MAP2: variants seen among roughly 807,000 people sequenced by gnomAD.
MAP2 encodes the protein microtubule-associated protein 2.
In MAP2, 14 loss-of-function variants were observed where a neutral mutation model predicts 137.6. The ratio of observed to expected loss-of-function variants is 0.10; its 90% CI spans 0.07 to 0.16. The LOEUF (loss-of-function observed/expected upper bound fraction) is 0.16. MAP2 is among the 10% of genes least tolerant of loss of function. The pLI, the probability that MAP2 is intolerant of heterozygous loss-of-function variation, is 1.00. For missense variants in MAP2, 2,088 were observed against 2,191.5 expected (o/e 0.95, Z 0.94); for synonymous variants, 786 against 782.3 (o/e 1.00, Z -0.08).
Position 209,693,281 on chromosome 2 carries a change from C to A in MAP2, c.1111C>A (p.Pro371Thr). The change falls in exon 8 of 16, where the codon CCC becomes ACC. Residue 371 changes from proline to threonine, a missense_variant. This residue lies in a region of MAP2 where 859 missense variants were observed against 794.5 expected (regional missense o/e 1.08). Transcript: ENST00000682079. The stretch of plus-strand genomic sequence containing the variant: ...CAAAGATAGTTTTAAAATTGAAGAG[C>A]CCCATGAGGCTAAACCTGACAAAAT... The part of the protein sequence containing the change: ...TAKDSFKIEE[P>T]HEAKPDKMAE... The A allele has an allele frequency of 6.2e-7, 1 of 1,614,054 alleles. No individual in the cohort carries two copies.
rs2059759904 is a variant in MAP2 at position 209,694,727 on chromosome 2, G to A, written c.2557G>A (p.Glu853Lys). 1.9e-6 allele frequency: 3 copies of A among 1,614,154 alleles called. No individual in the cohort carries two copies. The highest frequency in any genetic ancestry group is 4.5e-5 in the East Asian group (2 of 44,864). ...SRTGLPPVTD[E>K]NHVIVKTDSQ... ...TACTGGCTTGCCCCCGGTAACTGAT[G>A]AAAACCATGTCATTGTAAAAACGGA... The change falls in exon 8 of 16, where the codon GAA becomes AAA. Residue 853 changes from glutamate to lysine, a missense_variant. Coordinates refer to ENST00000682079, the MANE Select transcript of MAP2 (RefSeq NM_001375505.1).
intron 13 of MAP2, among the ~76,000 whole-genome samples, chr2:209,724,978 A>G (rs1179792597): frequency 6.6e-6 from 1 of 152,230 alleles, no homozygotes; most frequent in African/African-American, 2.4e-5. Flanking sequence ...CTCCCAAAAC[A>G]ATAGTCTTAA....
At chr2:209,604,318 C>A (rs1272064404) in intron 3 of MAP2, among the ~76,000 whole-genome samples, 2 of 152,114 alleles carry the variant, frequency 1.3e-5, no homozygotes, top group East Asian at 3.9e-4. Flanking sequence ...CTGCACTAAT[C>A]CAGATGAGCT....
intron 7 of MAP2, among the ~76,000 whole-genome samples, chr2:209,689,310 C>A (rs1239117399): frequency 4.6e-5 from 7 of 150,930 alleles, no homozygotes; most frequent in Non-Finnish European, 8.9e-5. Flanking sequence ...ATTTTTTTTT[C>A]TCTCTCTGTT....
intron 3 of MAP2, among the ~76,000 whole-genome samples, chr2:209,616,672 G>T (rs182583432): frequency 6.7e-6 from 1 of 150,170 alleles, no homozygotes; most frequent in Admixed American, 6.6e-5. Flanking sequence ...ACCAAACAAG[G>T]GGTGTAGTGT....
At chr2:209,642,953 A>G (rs1559469048) in intron 4 of MAP2, among the ~76,000 whole-genome samples, 1 of 152,234 alleles carries the variant, frequency 6.6e-6, no homozygotes, top group Non-Finnish European at 1.5e-5. Flanking sequence ...TAGTAACAGT[A>G]TAAAGCATAA....
chr2:209,598,296 T>C (rs2081928171), intron 3 of MAP2, among the ~76,000 whole-genome samples: 1 of 152,044 alleles, frequency 6.6e-6, no homozygotes, highest in Admixed American at 6.6e-5. Flanking sequence ...TGAGCCACCG[T>C]ACCCAGCCTT....
chr2:209,714,835 TCTA>T (rs1326005713), intron 13 of MAP2, among the ~76,000 whole-genome samples: 1 of 152,170 alleles, frequency 6.6e-6, no homozygotes, highest in Non-Finnish European at 1.5e-5. Flanking sequence ...GAAGTCAGAG[TCTA>T]TACTTTGTCT....
chr2:209,443,750 A>G (rs1229332192), intron 1 of MAP2, among the ~76,000 whole-genome samples: 1 of 151,616 alleles, frequency 6.6e-6, no homozygotes, highest in African/African-American at 2.4e-5. Flanking sequence ...ACATCATTGG[A>G]GTTGAGTAAA....
chr2:209,709,847 G>A (rs1004245206), intron 12 of MAP2, 67 bp from the exon 13 acceptor site: 2 of 1,123,920 alleles, frequency 1.8e-6, no homozygotes, highest in Admixed American at 2.0e-5. Context: ...ACAATCTATG[G>A]GAAGAGGGAT....
intron 13 of MAP2, among the ~76,000 whole-genome samples, chr2:209,721,143 C>T (rs192513326): frequency 5.9e-5 from 9 of 152,038 alleles, no homozygotes; most frequent in Admixed American, 3.9e-4. Flanking sequence ...ATGAGTCACG[C>T]GGAATAGGCG....
chr2:209,468,611 C>T (rs751476538), intron 1 of MAP2, among the ~76,000 whole-genome samples: 5 of 152,038 alleles, frequency 3.3e-5, no homozygotes, highest in Non-Finnish European at 7.4e-5. Context: ...TGAGCCACCG[C>T]GCCCGGCCTC....
chr2:209,469,490 A>G (rs547724920), intron 1 of MAP2, among the ~76,000 whole-genome samples: 19 of 152,314 alleles, frequency 1.2e-4, no homozygotes, highest in African/African-American at 4.6e-4. Flanking sequence ...AAGTAAGTAT[A>G]TGCACAATAC....
chr2:209,435,998 T>TACAGTATATATTATATATA (rs1559159522), intron 1 of MAP2, among the ~76,000 whole-genome samples: 1 of 88,806 alleles, frequency 1.1e-5, no homozygotes, highest in Non-Finnish European at 2.0e-5. Context: ...TATTATATAC[T>TACAGTATATATTATATATA]ATATATACAG....
intron 3 of MAP2, among the ~76,000 whole-genome samples, chr2:209,621,631 G>A (rs1227627384): frequency 6.6e-6 from 1 of 152,086 alleles, no homozygotes; most frequent in African/African-American, 2.4e-5. Context: ...AATGTGTTTC[G>A]AAGGAAACTA....
chr2:209,481,378 G>GC (rs1361234645), intron 1 of MAP2, among the ~76,000 whole-genome samples: 1 of 152,218 alleles, frequency 6.6e-6, no homozygotes, highest in Non-Finnish European at 1.5e-5. Flanking sequence ...CTCTGAAGGG[G>GC]CCCAACTACT....
intron 2 of MAP2, among the ~76,000 whole-genome samples, chr2:209,516,487 A>G (rs1484283102): frequency 1.3e-5 from 2 of 152,130 alleles, no homozygotes; most frequent in Non-Finnish European, 2.9e-5. Flanking sequence ...GTCAGCCATA[A>G]GGAGTATTAG....
Position 209,705,695 on chromosome 2 carries a change from G to C in MAP2, c.4700G>C (p.Ser1567Thr). 1.9e-6 allele frequency: 3 copies of C among 1,612,966 alleles called. No homozygotes were observed. Among genetic ancestry groups the C allele is most frequent in the Non-Finnish European group, 2.5e-6 (3 of 1,179,290 alleles). The change falls in exon 12 of 16, where the codon AGT becomes ACT. Residue 1567 changes from serine to threonine, a missense_variant. By Grantham distance (58) the Ser-to-Thr change is moderately conservative (BLOSUM62 1). This residue lies in a region of MAP2 where 591 missense variants were observed against 642.6 expected (regional missense o/e 0.92). Coordinates refer to ENST00000682079, the MANE Select transcript of MAP2 (RefSeq NM_001375505.1). The part of the protein sequence containing the change: ...DRDENSFSLN[S>T]SISSSARRTT... ...GATGAGAATTCCTTCTCTCTCAACA[G>C]TTCTATCTCTTCTTCAGCACGGCGG...
intron 2 of MAP2, among the ~76,000 whole-genome samples, chr2:209,517,588 T>G (rs1296111269): frequency 2.0e-5 from 3 of 152,068 alleles, no homozygotes; most frequent in Admixed American, 1.3e-4. Flanking sequence ...GTTATCTATC[T>G]CGTAAAGCCC....
Sources: allele counts gnomAD v4.1 joint callset (sites outside exome capture counted in the v4.1 genomes callset), GRCh38; gene constraint gnomAD v4.1.1; regional missense constraint gnomAD v4.1.1; transcripts MANE v1.5; gene names NCBI Gene and HGNC (gene_info 2026-07-23, HGNC 2026-07-21).